The following RBFOX2 variants were observed in gnomAD, a reference collection of about 807,000 sequenced individuals.
RBFOX2 encodes the protein RNA binding fox-1 homolog 2.
RBFOX2 carries 10 observed loss-of-function variants against 49.1 expected under a neutral mutation model. The observed-to-expected ratio is 0.20, with a 90% CI of 0.13 to 0.35. The LOEUF is 0.35. RBFOX2 is among the 10% of genes least tolerant of loss of function. The probability of loss-of-function intolerance (pLI) is 1.00; values close to 1 mark genes in which losing one functional copy is unlikely to be tolerated. For missense variants in RBFOX2, 323 were observed against 486.9 expected, an observed-to-expected ratio of 0.66 and a Z score of 3.17; for synonymous variants, 183 against 187.4, an observed-to-expected ratio of 0.98 and a Z score of 0.19.
intron 2 of RBFOX2, among the ~76,000 whole-genome samples, chr22:35,807,741 G>A (rs1951035572): frequency 6.6e-6 from 1 of 150,762 alleles, no homozygotes; most frequent in Non-Finnish European, 1.5e-5. Context: ...ATAACAGAGT[G>A]GAAACTAATG....
At chr22:35,934,900 C>T (rs978792838) in intron 1 of RBFOX2, among the ~76,000 whole-genome samples, 22 of 152,134 alleles carry the variant, frequency 1.4e-4, no homozygotes, top group African/African-American at 5.3e-4. Context: ...TAAACCACTA[C>T]ATTGTATCAT....
At chr22:35,840,067 A>G in intron 1 of RBFOX2, 1 of 1,317,416 alleles carries the variant, frequency 7.6e-7, no homozygotes, top group Non-Finnish European at 1.1e-6. Context: ...GCTGATAACA[A>G]TAAATCTGGT....
At chr22:35,831,594 C>T (rs146983689) in intron 1 of RBFOX2, among the ~76,000 whole-genome samples, 9 of 152,320 alleles carry the variant, frequency 5.9e-5, no homozygotes, top group African/African-American at 1.4e-4. Flanking sequence ...TTCTTCAATG[C>T]TTCATCAGCA....
At chr22:35,894,147 C>T (rs143569106) in intron 1 of RBFOX2, among the ~76,000 whole-genome samples, 5 of 152,098 alleles carry the variant, frequency 3.3e-5, no homozygotes, top group Admixed American at 6.5e-5. Context: ...CTACTATTGA[C>T]GGTAAATTAC....
At chr22:35,817,980 ACAC>A (rs1953537771) in intron 1 of RBFOX2, among the ~76,000 whole-genome samples, 1 of 150,744 alleles carries the variant, frequency 6.6e-6, no homozygotes, top group South Asian at 2.1e-4. Flanking sequence ...ACACACACAC[ACAC>A]ACCCCTCTTC....
Position 35,931,937 on chromosome 22 carries a change from G to C in RBFOX2, c.-34+6910C>G, listed in dbSNP as rs571460300. Among the ~76,000 whole-genome samples, 11 of 152,334 alleles carry C rather than the reference G, an allele frequency of 7.2e-5. No individual in the cohort carries two copies. In the East Asian group the frequency reaches 2.1e-3, roughly 29 times the overall value. On this transcript the variant is annotated intron_variant, in intron 1 of 13. Transcript: ENST00000359369. ...TAGTCACAATCGACAATTTTTTGAA[G>C]GGGACAGAAAATATCACAGTACTTA...
At chr22:35,811,809 T>A (rs1951923655) in intron 1 of RBFOX2, among the ~76,000 whole-genome samples, 1 of 150,684 alleles carries the variant, frequency 6.6e-6, no homozygotes, top group Non-Finnish European at 1.5e-5. Flanking sequence ...AGAAAAACTT[T>A]AAAAAATTAG....
At chr22:35,864,125 A>G (rs1603424606) in intron 1 of RBFOX2, among the ~76,000 whole-genome samples, 1 of 152,362 alleles carries the variant, frequency 6.6e-6, no homozygotes, top group Middle Eastern at 3.4e-3. Context: ...ATAATCATAT[A>G]TGCATAAAAG....
intron 1 of RBFOX2, among the ~76,000 whole-genome samples, chr22:35,915,490 G>A (rs1308035647): frequency 6.6e-6 from 1 of 152,178 alleles, no homozygotes; most frequent in Non-Finnish European, 1.5e-5. Context: ...GTTTTATGCA[G>A]AGAATCAGAG....
chr22:35,750,918 G>C (rs1934669761), intron 9 of RBFOX2, among the ~76,000 whole-genome samples: 1 of 152,180 alleles, frequency 6.6e-6, no homozygotes, highest in Non-Finnish European at 1.5e-5. Flanking sequence ...TTGGCTTTAA[G>C]ATCCTTTCCA....
intron 2 of RBFOX2, among the ~76,000 whole-genome samples, chr22:35,808,707 G>C (rs1180218784): frequency 6.6e-6 from 1 of 151,998 alleles, no homozygotes; most frequent in Non-Finnish European, 1.5e-5. Context: ...AAAATGAGCT[G>C]GGCGTGGGGT....
chr22:35,894,751 C>T (rs1471298007), intron 1 of RBFOX2, among the ~76,000 whole-genome samples: 1 of 152,134 alleles, frequency 6.6e-6, no homozygotes, highest in Non-Finnish European at 1.5e-5. Flanking sequence ...AGCAGAACCT[C>T]GCAGCTTTCC....
At chr22:35,832,431 T>A (rs953521675) in intron 1 of RBFOX2, among the ~76,000 whole-genome samples, 19 of 152,138 alleles carry the variant, frequency 1.2e-4, no homozygotes, top group African/African-American at 4.6e-4. Context: ...ACAAAACTTA[T>A]AACAAAGATA....
chr22:35,987,458 T>C (rs1488052025), intron 1 of RBFOX2, among the ~76,000 whole-genome samples: 1 of 152,214 alleles, frequency 6.6e-6, no homozygotes, highest in Non-Finnish European at 1.5e-5. Context: ...TCCTCAAAGT[T>C]ATCAAAAGCA....
chr22:35,955,119 T>C (rs868228594), intron 1 of RBFOX2, among the ~76,000 whole-genome samples: 3 of 152,206 alleles, frequency 2.0e-5, no homozygotes, highest in Admixed American at 6.5e-5. Context: ...TGGGTCAAGA[T>C]CCATTCATGA....
intron 1 of RBFOX2, among the ~76,000 whole-genome samples, chr22:36,020,353 C>T (rs1031438137): frequency 3.3e-5 from 5 of 152,188 alleles, no homozygotes; most frequent in Non-Finnish European, 5.9e-5. Context: ...GACTTCATGA[C>T]TAAAACACCA....
At chr22:35,946,098 A>G (rs975498226) in intron 1 of RBFOX2, among the ~76,000 whole-genome samples, 1 of 152,126 alleles carries the variant, frequency 6.6e-6, no homozygotes, top group Non-Finnish European at 1.5e-5. Context: ...TTTGAAACAC[A>G]CCAAAATTTC....
rs61393581 is a variant in RBFOX2, at chr22:35,909,427, A to G, written c.-34+29420T>C. Among the ~76,000 whole-genome samples, 470 of 152,326 alleles carry G rather than the reference A, an allele frequency of 3.1e-3. 1 individual carries two copies. The highest frequency in any genetic ancestry group is 0.011 in the African/African-American group (441 of 41,588). Reference sequence around the variant, plus strand: ...CAACAGCAGTAAAAGGCTTAAAGTAATTAGGAAGTCAGATACACCTGAAAT... The same window carrying G: ...CAACAGCAGTAAAAGGCTTAAAGTAGTTAGGAAGTCAGATACACCTGAAAT... On this transcript the variant is annotated intron_variant, in intron 1 of 13. Coordinates refer to the RBFOX2 transcript ENST00000359369.
In RBFOX2 at chr22:35,975,951, C is replaced by T. The variant is rs1159884774; in HGVS notation, c.187-37054G>A. ...ATATAAAGAATAACAAAAACATATG[C>T]CATTAGAATTCTAGTTTTTCCTCCA... On this transcript the variant is annotated intron_variant, in intron 1 of 13. Coordinates refer to the RBFOX2 transcript ENST00000438146. 3.3e-5 allele frequency among the ~76,000 whole-genome samples: 5 copies of T among 152,090 alleles called. No individual in the cohort carries two copies. The East Asian group carries it at 9.6e-4, about 29-fold the overall frequency.
Sources: gnomAD v4.1 joint callset for allele counts (sites outside exome capture counted in the v4.1 genomes callset) on GRCh38, gnomAD v4.1.1 for gene constraint, MANE v1.5 for transcripts, NCBI Gene and HGNC (gene_info 2026-07-23, HGNC 2026-07-21) for gene names.